ZC3H3: variants seen among roughly 807,000 people sequenced by gnomAD.
The protein encoded by ZC3H3 is zinc finger CCCH-type containing 3.
Under a neutral mutation model 77.3 loss-of-function variants are expected in ZC3H3, and 36 were observed. The observed-to-expected ratio is 0.47, with a 90% confidence interval of 0.36 to 0.61. The LOEUF (loss-of-function observed/expected upper bound fraction) is 0.61, where lower values mean the gene tolerates loss of function less well. Among genes scored for constraint, ZC3H3 ranks in the 20% least tolerant of loss-of-function variants. ZC3H3 has a pLI of 0.00. For synonymous variants in ZC3H3, 626 were observed against 555.2 expected (o/e 1.13, Z -1.79); for missense variants, 1,331 against 1,312.2 (o/e 1.01, Z -0.22).
At chr8:143,519,081 G>A (rs1344379555) in intron 3 of ZC3H3, among the ~76,000 whole-genome samples, 2 of 152,186 alleles carry the variant, frequency 1.3e-5, no homozygotes, top group South Asian at 2.1e-4. Flanking sequence ...CGAGCACTAC[G>A]CCGGCCTCCC....
intron 9 of ZC3H3, among the ~76,000 whole-genome samples, chr8:143,442,758 T>C (rs1196139184): frequency 6.6e-6 from 1 of 152,238 alleles, no homozygotes; most frequent in East Asian, 1.9e-4. Context: ...AGCAAAATAA[T>C]GTAAAATGCA....
intron 4 of ZC3H3, among the ~76,000 whole-genome samples, chr8:143,485,467 G>A (rs529215252): frequency 4.6e-5 from 7 of 152,288 alleles, no homozygotes; most frequent in Middle Eastern, 3.4e-3. Context: ...AGTGGGTCAG[G>A]ATCTCATTTC....
At chr8:143,461,316 C>T (rs543377530) in intron 9 of ZC3H3, among the ~76,000 whole-genome samples, 61 of 152,306 alleles carry the variant, frequency 4.0e-4, no homozygotes, top group African/African-American at 1.4e-3. Context: ...CGGCACGCCA[C>T]GCCCACCAGA....
chr8:143,498,440 G>A (rs1412401763), intron 4 of ZC3H3, among the ~76,000 whole-genome samples: 10 of 152,268 alleles, frequency 6.6e-5, no homozygotes, highest in South Asian at 2.1e-4. Flanking sequence ...CCCGCTCACC[G>A]GTCATCTTGC....
chr8:143,504,634 G>A lies in ZC3H3; in HGVS notation c.1715+3112C>T, dbSNP rs566899162. On this transcript the variant is annotated intron_variant, in intron 4 of 11. Transcript: ENST00000262577. ...GGCTGTCAGGTTCACGCTGCACTGC[G>A]CTGCCCCCAACTACACCCTACCCAA... 2.6e-5 allele frequency among the ~76,000 whole-genome samples: 4 copies of A among 152,272 alleles called. No homozygotes were observed. The South Asian group carries it at 6.2e-4, about 24-fold the overall frequency.
chr8:143,527,959 TG>T (rs1204773534), intron 3 of ZC3H3, among the ~76,000 whole-genome samples: 1 of 152,084 alleles, frequency 6.6e-6, no homozygotes, highest in Non-Finnish European at 1.5e-5. Context: ...ACACCACGCC[TG>T]GGGGCTCATA....
At position 143,468,254 on chromosome 8, in the gene ZC3H3, T is replaced by C. The variant is rs757181497; in HGVS notation, c.2130A>G (p.Lys710=). The C allele has an allele frequency of 6.2e-7, 1 of 1,613,022 alleles. No homozygotes were observed. Among genetic ancestry groups the C allele is most frequent in the Non-Finnish European group, 8.5e-7 (1 of 1,179,936 alleles). The change falls in exon 8 of 12, where the codon AAA becomes AAG. Residue 710 remains lysine (K), a synonymous_variant. Coordinates refer to ENST00000262577, the MANE Select transcript of ZC3H3 (RefSeq NM_015117.3). ...GGGAGAAGGGGCAGGTCCCATCCGT[T>C]TTCTTGCAGGTGCCCCGGACAAACC... ...CTRFVRGTCK[K]TDGTCPFSHH...
At chr8:143,540,039 G>T (rs558226001) in intron 1 of ZC3H3, among the ~76,000 whole-genome samples, 2 of 152,172 alleles carry the variant, frequency 1.3e-5, no homozygotes, top group Non-Finnish European at 2.9e-5. Context: ...CCCTGCCCCC[G>T]GGGGCACAGA....
intron 3 of ZC3H3, among the ~76,000 whole-genome samples, chr8:143,519,115 T>C (rs1160413283): frequency 6.7e-6 from 1 of 148,242 alleles, no homozygotes; most frequent in Non-Finnish European, 1.5e-5. Context: ...CACCGGCCTC[T>C]GAAGGAGGGG....
intron 4 of ZC3H3, among the ~76,000 whole-genome samples, chr8:143,481,065 C>G (rs892053661): frequency 6.6e-6 from 1 of 152,226 alleles, no homozygotes; most frequent in Admixed American, 6.5e-5. Context: ...ACATGCTGCC[C>G]AGGACACCCT....
intron 9 of ZC3H3, among the ~76,000 whole-genome samples, chr8:143,454,624 G>A (rs1820067584): frequency 6.6e-6 from 1 of 151,328 alleles, no homozygotes; most frequent in African/African-American, 2.4e-5. Flanking sequence ...TGTTAGCCAG[G>A]ATGGTCTCGA....
intron 9 of ZC3H3, among the ~76,000 whole-genome samples, chr8:143,458,860 C>T (rs1396601657): frequency 1.3e-5 from 2 of 149,852 alleles, no homozygotes; most frequent in African/African-American, 2.5e-5. Context: ...GTGGCTCATG[C>T]CTGTAACCCC....
intron 3 of ZC3H3, chr8:143,523,564 G>A: frequency 1.0e-6 from 1 of 982,462 alleles, no homozygotes; most frequent in Non-Finnish European, 1.2e-6. Context: ...TGAGCTCCCA[G>A]AGGCAGTAGG....
chr8:143,451,176 C>T (rs966482395), intron 9 of ZC3H3, among the ~76,000 whole-genome samples: 1 of 151,982 alleles, frequency 6.6e-6, no homozygotes, highest in Non-Finnish European at 1.5e-5. Flanking sequence ...ACAGGTGCTC[C>T]CAGAGCAGAA....
intron 9 of ZC3H3, among the ~76,000 whole-genome samples, chr8:143,448,942 G>A (rs1043393254): frequency 4.6e-5 from 7 of 152,236 alleles, no homozygotes; most frequent in East Asian, 1.9e-4. Context: ...TTACCACTAC[G>A]TAGAAGCTTC....
intron 3 of ZC3H3, among the ~76,000 whole-genome samples, chr8:143,523,054 G>A (rs1822301243): frequency 6.6e-6 from 1 of 152,222 alleles, no homozygotes; most frequent in South Asian, 2.1e-4. Flanking sequence ...GCCCCTCAGG[G>A]TCAGGGGCTA....
intron 3 of ZC3H3, among the ~76,000 whole-genome samples, chr8:143,524,403 C>G (rs1434375725): frequency 6.6e-6 from 1 of 152,236 alleles, no homozygotes; most frequent in African/African-American, 2.4e-5. Context: ...ACTGGAAGCG[C>G]AGGACAGCCT....
chr8:143,506,966 G>A (rs908015616), intron 4 of ZC3H3, among the ~76,000 whole-genome samples: 14 of 152,272 alleles, frequency 9.2e-5, no homozygotes, highest in Non-Finnish European at 2.1e-4. Flanking sequence ...CACTCCCCCA[G>A]GAGCAGATTC....
Position 143,465,716 on chromosome 8 carries a change from C to G in ZC3H3, c.2307+1G>C. ...CACTCGGGCCCCCACAGACCACTCACCTTTGCACCCAGGGGGCAGTAGCCT... is the reference window on the plus strand; with the variant it reads ...CACTCGGGCCCCCACAGACCACTCAGCTTTGCACCCAGGGGGCAGTAGCCT... On this transcript the variant is annotated splice_donor_variant, in intron 9 of 11. Coordinates refer to ENST00000262577, the MANE Select transcript of ZC3H3 (RefSeq NM_015117.3). LOFTEE classifies it high-confidence loss of function. 2 of 1,613,730 alleles carry G rather than the reference C, an allele frequency of 1.2e-6. No individual in the cohort carries two copies. The highest frequency in any genetic ancestry group is 1.7e-6 in the Non-Finnish European group (2 of 1,179,984).
Sources: gnomAD v4.1 joint callset for allele counts (sites outside exome capture counted in the v4.1 genomes callset) on GRCh38, gnomAD v4.1.1 for gene constraint, MANE v1.5 for transcripts, NCBI Gene and HGNC (gene_info 2026-07-23, HGNC 2026-07-21) for gene names.